The following ZFAND4 variants were observed in gnomAD, a reference collection of about 807,000 sequenced individuals.
The protein encoded by ZFAND4 is zinc finger AN1-type containing 4.
Under a neutral mutation model 64.4 loss-of-function variants are expected in ZFAND4, and 43 were observed. That is an observed-to-expected ratio of 0.67 (90% confidence interval 0.52 to 0.86). The LOEUF (loss-of-function observed/expected upper bound fraction) is 0.86, where lower values mean the gene tolerates loss of function less well. ZFAND4 is among the 40% of genes least tolerant of loss of function. The pLI is 0.00. For missense variants in ZFAND4, 929 were observed against 859.8 expected (o/e 1.08, Z -1.01); for synonymous variants, 296 against 305.7 (o/e 0.97, Z 0.33).
chr10:45,619,100 G>A (rs1488209555), intron 8 of ZFAND4, among the ~76,000 whole-genome samples: 2 of 151,288 alleles, frequency 1.3e-5, no homozygotes, highest in South Asian at 2.1e-4. Flanking sequence ...GTGCAGTGGC[G>A]CAATCTCGGC....
intron 2 of ZFAND4, among the ~76,000 whole-genome samples, chr10:45,655,008 C>CA (rs1319709719): frequency 6.6e-6 from 1 of 152,126 alleles, no homozygotes; most frequent in Non-Finnish European, 1.5e-5. Flanking sequence ...ATGGACCTAA[C>CA]AGATATTTAC....
At position 45,616,408 on chromosome 10, in the gene ZFAND4, G is replaced by A. The variant is rs1391071952; in HGVS notation, c.*28C>T. On this transcript the variant is annotated 3_prime_UTR_variant, in exon 10 of 10. Coordinates refer to ENST00000344646, the MANE Select transcript of ZFAND4 (RefSeq NM_174890.4). ...TTCTGTCATTATAATACGAATCCCGGGCAGAACAGTAAGATGTAGAGGAAG... is the reference window on the plus strand; with the variant it reads ...TTCTGTCATTATAATACGAATCCCGAGCAGAACAGTAAGATGTAGAGGAAG... The A allele has an allele frequency of 1.9e-6, 3 of 1,611,638 alleles. No homozygotes were observed. The highest frequency in any genetic ancestry group is 2.5e-6 in the Non-Finnish European group (3 of 1,179,086).
intron 8 of ZFAND4, 148 bp from the exon 9 acceptor site, chr10:45,618,408 T>C: frequency 2.0e-6 from 2 of 1,021,332 alleles, no homozygotes; most frequent in Non-Finnish European, 2.7e-6. Flanking sequence ...TAAAATTACT[T>C]ATAAAATCTA....
chr10:45,664,960 A>G (rs983181337), intron 1 of ZFAND4, among the ~76,000 whole-genome samples: 1 of 152,068 alleles, frequency 6.6e-6, no homozygotes, highest in African/African-American at 2.4e-5. Context: ...TACTCACTAA[A>G]TCATCAACGG....
intron 6 of ZFAND4, among the ~76,000 whole-genome samples, chr10:45,636,590 T>C (rs998933257): frequency 2.0e-5 from 3 of 152,022 alleles, no homozygotes; most frequent in African/African-American, 7.3e-5. Flanking sequence ...TGAGCCAAGA[T>C]TGTGCCACTG....
chr10:45,665,564 T>G (rs904596488), intron 1 of ZFAND4, among the ~76,000 whole-genome samples: 3 of 152,080 alleles, frequency 2.0e-5, no homozygotes, highest in Non-Finnish European at 4.4e-5. Context: ...AAAAGCTTTA[T>G]TGAAATATAA....
rs762267168 is a variant in ZFAND4, at chr10:45,618,224, G to A, written c.1964C>T (p.Ala655Val). ...TGTTTTCTTCTTTGTCTGAAGAGGGGCTTTCACAGGTGGGAGGTGATGAGT... is the reference window on the plus strand; with the variant it reads ...TGTTTTCTTCTTTGTCTGAAGAGGGACTTTCACAGGTGGGAGGTGATGAGT... ...CTTHHLPPVK[A>V]PLQTKKKTTN... Residue 655 changes from alanine (A) to valine (V), a missense_variant, in exon 9 of 10, where the codon GCC becomes GTC. By Grantham distance (64) the Ala-to-Val change is moderately conservative (BLOSUM62 0). Transcript: ENST00000344646. 9 of 1,613,526 alleles carry A rather than the reference G, an allele frequency of 5.6e-6. No homozygotes were observed. The highest frequency in any genetic ancestry group is 7.6e-6 in the Non-Finnish European group (9 of 1,179,814).
chr10:45,630,286 G>A (rs919375117), intron 6 of ZFAND4, among the ~76,000 whole-genome samples: 1 of 152,068 alleles, frequency 6.6e-6, no homozygotes, highest in Non-Finnish European at 1.5e-5. Flanking sequence ...ACTCAAGGCA[G>A]AATAGATAAA....
intron 1 of ZFAND4, among the ~76,000 whole-genome samples, chr10:45,668,420 G>A (rs1372525471): frequency 6.6e-6 from 1 of 152,216 alleles, no homozygotes; most frequent in Non-Finnish European, 1.5e-5. Context: ...ACCAGCCACT[G>A]CAAAAACATG....
At chr10:45,655,447 C>T (rs1446353891) in intron 2 of ZFAND4, among the ~76,000 whole-genome samples, 1 of 152,020 alleles carries the variant, frequency 6.6e-6, no homozygotes, top group Non-Finnish European at 1.5e-5. Context: ...TAACATCACA[C>T]CTCAAGGAAC....
rs147794618 is a variant in ZFAND4 at position 45,633,715 on chromosome 10, T to C, written c.717+6101A>G. On this transcript the variant is annotated intron_variant, in intron 6 of 9. Transcript: ENST00000344646. Reference sequence around the variant, plus strand: ...TTATGTGCCTTCTGATGTGTTGCACTGAGAAGAATAAATCATCTGTGTAGT... The same window carrying C: ...TTATGTGCCTTCTGATGTGTTGCACCGAGAAGAATAAATCATCTGTGTAGT... Among the ~76,000 whole-genome samples the C allele has an allele frequency of 6.8e-3, 1,026 of 151,848 alleles. 14 individuals are homozygous for C. Among genetic ancestry groups the C allele is most frequent in the African/African-American group, 0.024 (982 of 41,462 alleles).
chr10:45,666,733 A>T (rs1456098993), intron 1 of ZFAND4, among the ~76,000 whole-genome samples: 1 of 152,188 alleles, frequency 6.6e-6, no homozygotes, highest in Non-Finnish European at 1.5e-5. Flanking sequence ...TTGCATGTGG[A>T]TAACCAGTTG....
chr10:45,648,291 T>A lies in ZFAND4; in HGVS notation c.569+3A>T. On this transcript the variant is annotated splice_donor_region_variant and intron_variant, in intron 5 of 9. Coordinates refer to ENST00000344646, the MANE Select transcript of ZFAND4 (RefSeq NM_174890.4). ...ACAAGGTAAACAAAAGTTTATGGAG[T>A]ACCTCATACGATGTTCTCCTTTTCT... 6.3e-7 allele frequency: 1 copy of A among 1,594,470 alleles called. No individual in the cohort carries two copies. Among genetic ancestry groups the A allele is most frequent in the Non-Finnish European group, 8.5e-7 (1 of 1,171,048 alleles).
chr10:45,662,494 G>C, intron 2 of ZFAND4: 12 of 606,588 alleles, frequency 2.0e-5, no homozygotes, highest in Non-Finnish European at 2.5e-5. Flanking sequence ...TCACCTTCAT[G>C]CTCCAAAAAA....
chr10:45,657,395 A>G (rs2048198642), intron 2 of ZFAND4, among the ~76,000 whole-genome samples: 1 of 152,212 alleles, frequency 6.6e-6, no homozygotes, highest in Non-Finnish European at 1.5e-5. Context: ...ATAATAGCAA[A>G]AATGAAACAA....
At chr10:45,651,914 C>T in intron 4 of ZFAND4, 52 bp downstream of exon 4, 2 of 1,498,500 alleles carry the variant, frequency 1.3e-6, no homozygotes, top group Non-Finnish European at 1.9e-6. Flanking sequence ...AAAATACTAA[C>T]TGACATAAAG....
Position 45,663,711 on chromosome 10 carries a change from T to G in ZFAND4, c.15A>C (p.Lys5Asn). 2.5e-6 allele frequency: 4 copies of G among 1,600,230 alleles called. No homozygotes were observed. Among genetic ancestry groups the G allele is most frequent in the Non-Finnish European group, 3.4e-6 (4 of 1,176,692 alleles). The change falls in exon 2 of 10, where the codon AAA becomes AAC. Residue 5 changes from lysine (K) to asparagine (N), a missense_variant. Physicochemically the swap from Lys to Asn is moderately conservative, Grantham distance 94. Transcript: ENST00000344646. ...TATCATCATTGAAGAATGGAGGCTC[T>G]TTTCTGTTATCCATTACTTTGACTT... is the stretch of plus-strand genomic sequence containing the variant. MDNR[K>N]EPPFFNDDNM... is the part of the protein sequence containing the mutation.
intron 2 of ZFAND4, chr10:45,662,476 G>A (rs1030672368): frequency 2.3e-5 from 10 of 437,568 alleles, no homozygotes; most frequent in African/African-American, 6.4e-5. Flanking sequence ...TATTTACAAC[G>A]CAAGATTTCA....
intron 9 of ZFAND4, among the ~76,000 whole-genome samples, chr10:45,616,916 T>A (rs919365316): frequency 6.6e-6 from 1 of 151,862 alleles, no homozygotes; most frequent in African/African-American, 2.4e-5. Flanking sequence ...CCATCTCTAT[T>A]AAAAATACAA....
Sources: gnomAD v4.1 joint callset for allele counts (sites outside exome capture counted in the v4.1 genomes callset) on GRCh38, gnomAD v4.1.1 for gene constraint, MANE v1.5 for transcripts, NCBI Gene and HGNC (gene_info 2026-07-23, HGNC 2026-07-21) for gene names.